PPL: variants seen among roughly 807,000 people sequenced by gnomAD.
PPL encodes the protein 190 kDa paraneoplastic pemphigus antigen.
In PPL, 198 loss-of-function variants were observed where a neutral mutation model predicts 194.4. That is an observed-to-expected ratio of 1.02 (90% CI 0.91 to 1.15). The LOEUF is 1.15. PPL is among the 50% of genes most tolerant of loss of function. The pLI is 0.00. For synonymous variants in PPL, 1,220 were observed against 972.4 expected, an observed-to-expected ratio of 1.25 and a Z score of -4.74; for missense variants, 2,885 against 2,294.8, an observed-to-expected ratio of 1.26 and a Z score of -5.25.
At chr16:4,893,159 G>C (rs2088350649) in intron 14 of PPL, 54 bp downstream of exon 14, 1 of 1,450,504 alleles carries the variant, frequency 6.9e-7, no homozygotes, top group Non-Finnish European at 9.1e-7. Context: ...AGGGGCCCCA[G>C]GGGGCCAGTG....
chr16:4,932,381 G>T (rs1367246533), intron 1 of PPL, among the ~76,000 whole-genome samples: 1 of 151,676 alleles, frequency 6.6e-6, no homozygotes, highest in African/African-American at 2.4e-5. Context: ...CAGCTCCCTG[G>T]TCAGCTCTGG....
At chr16:4,909,517 C>T (rs1845933254) in intron 2 of PPL, among the ~76,000 whole-genome samples, 1 of 151,440 alleles carries the variant, frequency 6.6e-6, no homozygotes, top group South Asian at 2.1e-4. Context: ...ACCTCCGCCT[C>T]CCGGGTTCAA....
intron 1 of PPL, among the ~76,000 whole-genome samples, chr16:4,926,751 C>T (rs1486168571): frequency 3.3e-5 from 5 of 151,838 alleles, no homozygotes; most frequent in Non-Finnish European, 7.4e-5. Flanking sequence ...TGGTGGCAGG[C>T]GTCTGTAGTC....
Position 4,894,675 on chromosome 16 carries a change from C to T in PPL, c.1243-57G>A. ...CGGCAGGGCCTGAGGGCCTGGGAGC[C>T]CGGTTGCCATCTCAGCCCCCGACTC... is the stretch of plus-strand genomic sequence containing the variant. On this transcript the variant is annotated intron_variant, in intron 11 of 21. Transcript: ENST00000345988. The T allele has an allele frequency of 3.8e-6, 6 of 1,580,602 alleles. No homozygotes were observed. In the South Asian group the frequency reaches 5.6e-5, roughly 15 times the overall value.
chr16:4,924,843 C>A (rs2089126431), intron 1 of PPL, among the ~76,000 whole-genome samples: 1 of 152,246 alleles, frequency 6.6e-6, no homozygotes, highest in African/African-American at 2.4e-5. Flanking sequence ...AGAGCAGCCA[C>A]CCCGGTAACA....
At chr16:4,919,295 A>C (rs965550841) in intron 1 of PPL, among the ~76,000 whole-genome samples, 2 of 152,240 alleles carry the variant, frequency 1.3e-5, no homozygotes, top group Non-Finnish European at 2.9e-5. Context: ...TTGGGAGGGC[A>C]GCCTGTGTAG....
intron 17 of PPL, 85 bp downstream of exon 17, chr16:4,890,643 G>A: frequency 6.9e-7 from 1 of 1,444,522 alleles, no homozygotes; most frequent in African/African-American, 1.4e-5. Context: ...AGCAAAATCT[G>A]TGGGACACGG....
chr16:4,898,929 T>C (rs1596555119), intron 8 of PPL, 84 bp downstream of exon 8: 2 of 1,090,742 alleles, frequency 1.8e-6, no homozygotes, highest in East Asian at 4.7e-5. Context: ...AGCTCCGGGG[T>C]CTGCCCGAGC....
intron 21 of PPL, 143 bp from the exon 22 acceptor site, chr16:4,886,190 G>T: frequency 9.6e-7 from 1 of 1,047,094 alleles, no homozygotes; most frequent in Non-Finnish European, 1.4e-6. Context: ...GAGTTCTAGG[G>T]TTACTTTCAA....
At chr16:4,913,266 T>C (rs1021934934) in intron 1 of PPL, among the ~76,000 whole-genome samples, 1 of 152,106 alleles carries the variant, frequency 6.6e-6, no homozygotes, top group Non-Finnish European at 1.5e-5. Context: ...TAGTTAAGAC[T>C]TTGGCCCTGG....
intron 1 of PPL, among the ~76,000 whole-genome samples, chr16:4,925,610 A>C (rs2089141953): frequency 6.6e-6 from 1 of 152,182 alleles, no homozygotes; most frequent in Admixed American, 6.5e-5. Flanking sequence ...TGGGCTCAAT[A>C]AATAGGTGTT....
In PPL at chr16:4,924,126, C is replaced by A. The variant is rs535501369; in HGVS notation, c.62+12858G>T. ...CTTTGTATGCAAGGCCAGCACTGTT[C>A]AACAGAAACTGAACCTGAGCCACAC... On this transcript the variant is annotated intron_variant, in intron 1 of 21. Transcript: ENST00000345988. Among the ~76,000 whole-genome samples, 4 of 152,246 alleles carry A rather than the reference C, an allele frequency of 2.6e-5. 1 individual carries two copies. In the South Asian group the frequency reaches 8.3e-4, roughly 32 times the overall value.
intron 20 of PPL, 70 bp from the exon 21 acceptor site, chr16:4,887,297 C>G: frequency 8.7e-7 from 1 of 1,155,506 alleles, no homozygotes; most frequent in South Asian, 1.2e-5. Flanking sequence ...GAGAGCTAGA[C>G]AGCGTGGACG....
Position 4,885,396 on chromosome 16 carries a change from G to C in PPL, c.3259C>G (p.Gln1087Glu), listed in dbSNP as rs2088197982. 6 of 1,612,790 alleles carry C rather than the reference G, an allele frequency of 3.7e-6. No individual in the cohort carries two copies. The highest frequency in any genetic ancestry group is 1.1e-5 in the South Asian group (1 of 91,070). ...HQRQDQLREK[Q>E]EEELSFLQDK... ...TGGAGGAAGCTCAGCTCCTCCTCCT[G>C]CTTCTCCCTGAGCTGGTCCTGGCGC... is the stretch of plus-strand genomic sequence containing the variant. The change falls in exon 22 of 22, where the codon CAG (glutamine) becomes GAG (glutamate). Residue 1087 changes from glutamine (Q) to glutamate (E), a missense_variant. Transcript: ENST00000345988. The surrounding 1 kb of genome is among the most constrained non-coding windows in gnomAD (Gnocchi z 6.3).
In PPL at chr16:4,892,198, G is replaced by A; in HGVS notation, c.1666C>T (p.Leu556=). The A allele has an allele frequency of 6.2e-7, 1 of 1,612,466 alleles. No individual in the cohort carries two copies. The highest frequency in any genetic ancestry group is 8.5e-7 in the Non-Finnish European group (1 of 1,178,948). Residue 556 remains leucine, a synonymous_variant, in exon 15 of 22, where the codon CTA becomes TTA. Transcript: ENST00000345988. Reference sequence around the variant, plus strand: ...GTCTTCTCAGGTTCAATCCGCAGTAGCTCGTTGGTGATGTTCTGTGGGAAC... The same window carrying A: ...GTCTTCTCAGGTTCAATCCGCAGTAACTCGTTGGTGATGTTCTGTGGGAAC... ...AKDLKNITNE[L]LRIEPEKTRS...
intron 1 of PPL, among the ~76,000 whole-genome samples, chr16:4,935,147 C>T (rs1381553896): frequency 6.6e-6 from 1 of 152,174 alleles, no homozygotes. Flanking sequence ...CTTTGCCACC[C>T]CAGACCCTCC....
chr16:4,900,111 T>C (rs1380708443), intron 6 of PPL, among the ~76,000 whole-genome samples: 2 of 152,140 alleles, frequency 1.3e-5, no homozygotes, highest in African/African-American at 2.4e-5. Context: ...TGGCTCCTTA[T>C]AGCGACACAA....
Position 4,937,074 on chromosome 16 carries a change from G to C in PPL, c.-29C>G, listed in dbSNP as rs952996366. 1.5e-6 allele frequency: 2 copies of C among 1,344,264 alleles called. No homozygotes were observed. Among genetic ancestry groups the C allele is most frequent in the Non-Finnish European group, 9.6e-7 (1 of 1,040,244 alleles). 83.3% of individuals were successfully genotyped at this position (1,344,264 alleles called of 1,614,324 possible). ...GGCGCTCGGGGTGCGGGCGGCGGCG[G>C]CTGGCGGGCCGGGCGCGCACCGAGG... On this transcript the variant is annotated 5_prime_UTR_variant, in exon 1 of 22. Transcript: ENST00000345988.
intron 1 of PPL, among the ~76,000 whole-genome samples, chr16:4,916,212 ATTAC>A (rs1322941145): frequency 6.6e-6 from 1 of 151,906 alleles, no homozygotes; most frequent in Non-Finnish European, 1.5e-5. Context: ...TTTTATTTTT[ATTAC>A]TTATTTATTT....
Sources: gnomAD v4.1 joint callset for allele counts (sites outside exome capture counted in the v4.1 genomes callset) on GRCh38, gnomAD v4.1.1 for gene constraint, Gnocchi (gnomAD v3.1) non-coding constraint, MANE v1.5 for transcripts, NCBI Gene and HGNC (gene_info 2026-07-23, HGNC 2026-07-21) for gene names.